The following PDE1C variants were observed in gnomAD, a reference collection of about 807,000 sequenced individuals.
The protein encoded by PDE1C is phosphodiesterase 1C.
Under a neutral mutation model 93.1 loss-of-function variants are expected in PDE1C, and 62 were observed. That is an observed-to-expected ratio of 0.67 (90% CI 0.54 to 0.82). The LOEUF (loss-of-function observed/expected upper bound fraction) is 0.82, where lower values mean the gene tolerates loss of function less well. PDE1C is among the 40% of genes least tolerant of loss of function. The pLI, the probability that PDE1C is intolerant of heterozygous loss-of-function variation, is 0.00. For synonymous variants in PDE1C, 325 were observed against 310.1 expected (o/e 1.05, Z -0.50); for missense variants, 742 against 884.6 (o/e 0.84, Z 2.04).
At chr7:31,879,561 A>C (rs1387366480) in intron 3 of PDE1C, among the ~76,000 whole-genome samples, 4 of 152,216 alleles carry the variant, frequency 2.6e-5, no homozygotes, top group Non-Finnish European at 4.4e-5. Context: ...ATATAAATGG[A>C]TACTTAAGAG....
intron 1 of PDE1C, among the ~76,000 whole-genome samples, chr7:32,245,579 T>C (rs575951466): frequency 6.6e-6 from 1 of 152,210 alleles, no homozygotes; most frequent in African/African-American, 2.4e-5. Flanking sequence ...TCACAGCTTA[T>C]TGAGCAGTTT....
At chr7:32,180,322 TA>T (rs1803307238) in intron 2 of PDE1C, among the ~76,000 whole-genome samples, 1 of 152,178 alleles carries the variant, frequency 6.6e-6, no homozygotes, top group Non-Finnish European at 1.5e-5. Context: ...AATATAAGAA[TA>T]AAATTTGATC....
chr7:32,357,957 A>G (rs1784063895), intron 1 of PDE1C, among the ~76,000 whole-genome samples: 1 of 152,166 alleles, frequency 6.6e-6, no homozygotes, highest in African/African-American at 2.4e-5. Flanking sequence ...CTAATTTGCA[A>G]TTCTAAAGTT....
chr7:32,086,491 T>C (rs1268610233), intron 3 of PDE1C, among the ~76,000 whole-genome samples: 1 of 152,080 alleles, frequency 6.6e-6, no homozygotes, highest in Non-Finnish European at 1.5e-5. Context: ...CTTCACAGAA[T>C]TGGAAAAAAC....
intron 1 of PDE1C, among the ~76,000 whole-genome samples, chr7:32,382,638 C>T (rs1784555794): frequency 6.6e-6 from 1 of 152,194 alleles, no homozygotes; most frequent in Admixed American, 6.5e-5. Flanking sequence ...CCTACCAGTT[C>T]ACCTTACCAG....
At chr7:32,392,465 T>A (rs375884358) in intron 1 of PDE1C, among the ~76,000 whole-genome samples, 2 of 152,204 alleles carry the variant, frequency 1.3e-5, no homozygotes, top group East Asian at 3.8e-4. Flanking sequence ...TTTATCCTGA[T>A]ATCAAAGCCA....
chr7:31,966,931 A>G (rs1200960469), intron 2 of PDE1C, among the ~76,000 whole-genome samples: 2 of 152,156 alleles, frequency 1.3e-5, no homozygotes, highest in East Asian at 3.8e-4. Context: ...GACACAACAT[A>G]CCAGAATCTC....
At chr7:32,096,130 G>A (rs907162163) in intron 3 of PDE1C, among the ~76,000 whole-genome samples, 1 of 152,164 alleles carries the variant, frequency 6.6e-6, no homozygotes, top group African/African-American at 2.4e-5. Context: ...ACAGCAGGCA[G>A]TGTTTCCAAG....
chr7:32,302,786 G>C (rs564228876), upstream of PDE1C, among the ~76,000 whole-genome samples: 1 of 152,182 alleles, frequency 6.6e-6, no homozygotes, highest in Non-Finnish European at 1.5e-5. Context: ...AGAGAAGACA[G>C]CTCCTCAACA....
At chr7:31,927,320 C>T (rs945682865) in intron 2 of PDE1C, among the ~76,000 whole-genome samples, 3 of 152,200 alleles carry the variant, frequency 2.0e-5, no homozygotes, top group Non-Finnish European at 4.4e-5. Flanking sequence ...ATAAAACTCC[C>T]ATCTCCCTGG....
At chr7:31,747,633 A>G (rs929168769), downstream of PDE1C, among the ~76,000 whole-genome samples, 5 of 152,104 alleles carry the variant, frequency 3.3e-5, no homozygotes, top group African/African-American at 1.2e-4. Context: ...CTTACTTATC[A>G]CTTACATCAG....
At chr7:32,333,605 C>A (rs1267866775) in intron 1 of PDE1C, among the ~76,000 whole-genome samples, 1 of 152,148 alleles carries the variant, frequency 6.6e-6, no homozygotes, top group East Asian at 1.9e-4. Flanking sequence ...GAAAAAAACA[C>A]ACGCTTTAAC....
intron 16 of PDE1C, among the ~76,000 whole-genome samples, chr7:31,798,556 C>T (rs576812240): frequency 2.0e-5 from 3 of 151,744 alleles, no homozygotes; most frequent in Non-Finnish European, 3.0e-5. Context: ...GAAGTCTGAA[C>T]AAAAATGGTC....
intron 1 of PDE1C, among the ~76,000 whole-genome samples, chr7:32,210,493 C>T (rs904381999): frequency 5.9e-4 from 90 of 152,196 alleles, no homozygotes; most frequent in Non-Finnish European, 1.1e-3. Flanking sequence ...AAAACCAATA[C>T]AGTAACTACT....
At chr7:31,966,350 AAGAGAC>A (rs1273754396) in intron 2 of PDE1C, among the ~76,000 whole-genome samples, 1 of 152,216 alleles carries the variant, frequency 6.6e-6, no homozygotes, top group African/African-American at 2.4e-5. Flanking sequence ...CAAAGATCAA[AAGAGAC>A]AAAGAAGGCC....
chr7:31,678,368 T>C, the PDE1C span, among the ~76,000 whole-genome samples: 1 of 152,286 alleles, frequency 6.6e-6, no homozygotes, highest in East Asian at 1.9e-4. Context: ...CTGTTAGTGC[T>C]TGACTAGGTA....
At chr7:31,786,483 A>G (rs1349871834) in intron 16 of PDE1C, 2 of 152,152 alleles carry the variant, frequency 1.3e-5, no homozygotes, top group Admixed American at 6.6e-5. Flanking sequence ...TGCTTGGCAT[A>G]TAGAAGTTGA....
intron 1 of PDE1C, among the ~76,000 whole-genome samples, chr7:32,326,325 T>A (rs1783403057): frequency 1.3e-5 from 2 of 152,138 alleles, no homozygotes; most frequent in Non-Finnish European, 1.5e-5. Flanking sequence ...CACTGGCATA[T>A]GGATGGTTTT....
chr7:32,425,147 T>C (rs6462363), intron 1 of PDE1C, among the ~76,000 whole-genome samples: 1 of 151,680 alleles, frequency 6.6e-6, no homozygotes, highest in African/African-American at 2.4e-5. Context: ...TATATATTCA[T>C]CTTGGCTTAT....
Sources: gnomAD v4.1 joint callset for allele counts (sites outside exome capture counted in the v4.1 genomes callset) on GRCh38, gnomAD v4.1.1 for gene constraint, MANE v1.5 for transcripts, NCBI Gene and HGNC (gene_info 2026-07-23, HGNC 2026-07-21) for gene names.